GRID1: variants seen among roughly 807,000 people sequenced by gnomAD.
GRID1 encodes the protein glutamate ionotropic receptor delta type subunit 1.
GRID1 carries 28 observed loss-of-function variants against 98.0 expected under a neutral mutation model. That is an observed-to-expected ratio of 0.29 (90% CI 0.21 to 0.39). The LOEUF (loss-of-function observed/expected upper bound fraction) is 0.39, where lower values mean the gene tolerates loss of function less well. Ranked by LOEUF, GRID1 falls within the 10% of genes least tolerant of loss-of-function variation. GRID1 has a pLI of 1.00. For missense variants in GRID1, 1,111 were observed against 1,340.5 expected (o/e 0.83, Z 2.67); for synonymous variants, 553 against 538.5 (o/e 1.03, Z -0.37).
intron 4 of GRID1, among the ~76,000 whole-genome samples, chr10:85,972,149 A>G (rs1057187538): frequency 6.8e-6 from 1 of 148,014 alleles, no homozygotes; most frequent in African/African-American, 2.5e-5. Context: ...GGTTTTCCTG[A>G]CCATTTTTCT....
At chr10:86,013,761 C>T (rs575835911) in intron 4 of GRID1, among the ~76,000 whole-genome samples, 1 of 152,274 alleles carries the variant, frequency 6.6e-6, no homozygotes, top group South Asian at 2.1e-4. Context: ...TGACATCATG[C>T]TGATAAGACA....
At chr10:86,042,437 C>G (rs1229549569) in intron 4 of GRID1, among the ~76,000 whole-genome samples, 2 of 152,172 alleles carry the variant, frequency 1.3e-5, no homozygotes, top group Non-Finnish European at 2.9e-5. Context: ...GGAAGAGGGG[C>G]TTCACCAGGA....
intron 12 of GRID1, among the ~76,000 whole-genome samples, chr10:85,715,745 C>T (rs1282240532): frequency 6.6e-6 from 1 of 152,076 alleles, no homozygotes; most frequent in African/African-American, 2.4e-5. Context: ...AACAGTATGG[C>T]AATTTCTCAA....
At chr10:86,082,782 G>A (rs1843995317) in intron 4 of GRID1, among the ~76,000 whole-genome samples, 1 of 152,154 alleles carries the variant, frequency 6.6e-6, no homozygotes, top group Non-Finnish European at 1.5e-5. Flanking sequence ...CCATGACTCT[G>A]CACCTGTGTA....
intron 3 of GRID1, among the ~76,000 whole-genome samples, chr10:86,154,789 A>G (rs1477540399): frequency 6.6e-6 from 1 of 152,210 alleles, no homozygotes; most frequent in Non-Finnish European, 1.5e-5. Flanking sequence ...CAGAGCTGCC[A>G]TCGTAAGCTG....
At chr10:85,746,312 C>T (rs192574129) in intron 8 of GRID1, among the ~76,000 whole-genome samples, 221 of 152,100 alleles carry the variant, frequency 1.5e-3, no homozygotes, top group African/African-American at 4.7e-3. Context: ...TTTTTCCATT[C>T]GAGAGGGGTG....
rs1451075790 is a variant in GRID1, at chr10:86,366,482, G to C, written c.-90C>G. The stretch of plus-strand genomic sequence containing the variant: ...GAGGCGCTGGTCCCGGTGCAGTCCC[G>C]GGCCGCTCCCCGGGAGAGCCGAGCC... On this transcript the variant is annotated 5_prime_UTR_variant, in exon 1 of 16. Transcript: ENST00000327946. The surrounding 1 kb of genome is among the most constrained non-coding windows in gnomAD (Gnocchi z 4.1). The C allele has an allele frequency of 7.3e-6, 6 of 822,850 alleles. No individual in the cohort carries two copies. In the South Asian group the frequency reaches 1.6e-4, roughly 22 times the overall value. The allele number at this position is 822,850 out of a possible 1,614,324, so 51.0% of individuals were successfully genotyped here. A position where few individuals can be genotyped will look rare whatever the true frequency, so the allele number is the denominator to read the frequency against.
In GRID1 at chr10:86,004,037, A is replaced by G. The variant is rs530743183; in HGVS notation, c.727-87798T>C. Among the ~76,000 whole-genome samples the G allele has an allele frequency of 2.6e-5, 4 of 152,320 alleles. No individual in the cohort carries two copies. The East Asian group carries it at 7.7e-4, about 29-fold the overall frequency. ...GAAGGAAACTGTGCACAGGAATCCA[A>G]TCAACAGATAATCCTCACTGCTACC... On this transcript the variant is annotated intron_variant, in intron 4 of 15. Coordinates refer to ENST00000327946, the MANE Select transcript of GRID1 (RefSeq NM_017551.3).
chr10:86,269,139 C>T (rs1168605769), intron 2 of GRID1, among the ~76,000 whole-genome samples: 2 of 152,200 alleles, frequency 1.3e-5, no homozygotes, highest in African/African-American at 4.8e-5. Flanking sequence ...ACCTACCTCC[C>T]AGTGCATTCT....
intron 2 of GRID1, among the ~76,000 whole-genome samples, chr10:86,230,402 T>C (rs1340062266): frequency 6.6e-6 from 1 of 152,162 alleles, no homozygotes. Context: ...TGTGCCACAT[T>C]TGGCTTCCCT....
intron 2 of GRID1, among the ~76,000 whole-genome samples, chr10:86,286,806 G>C (rs1847438226): frequency 6.6e-6 from 1 of 152,240 alleles, no homozygotes; most frequent in Non-Finnish European, 1.5e-5. Context: ...CGGCAGGGTT[G>C]ACAGCTATCT....
chr10:86,351,352 G>A (rs1421380339), intron 2 of GRID1, among the ~76,000 whole-genome samples: 1 of 152,238 alleles, frequency 6.6e-6, no homozygotes, highest in Non-Finnish European at 1.5e-5. Flanking sequence ...AGCACACATA[G>A]GAGCTGGTCT....
chr10:86,061,677 C>T (rs1466984469), intron 4 of GRID1, among the ~76,000 whole-genome samples: 1 of 152,188 alleles, frequency 6.6e-6, no homozygotes, highest in Non-Finnish European at 1.5e-5. Context: ...ACCCAGCCTG[C>T]TTCTGTCCCT....
chr10:86,235,684 T>C (rs1356908912), intron 2 of GRID1, among the ~76,000 whole-genome samples: 2 of 152,234 alleles, frequency 1.3e-5, no homozygotes, highest in Non-Finnish European at 2.9e-5. Context: ...CTTAGAATAA[T>C]GTTTTGAGGT....
chr10:86,341,741 G>A (rs1848314084), intron 2 of GRID1, among the ~76,000 whole-genome samples: 1 of 152,232 alleles, frequency 6.6e-6, no homozygotes, highest in Non-Finnish European at 1.5e-5. Flanking sequence ...CCTCTTCCCA[G>A]CCCTGTCTGC....
intron 12 of GRID1, among the ~76,000 whole-genome samples, chr10:85,717,740 T>C (rs1203510442): frequency 6.6e-6 from 1 of 152,104 alleles, no homozygotes; most frequent in East Asian, 1.9e-4. Flanking sequence ...GTCCAAAGTC[T>C]CATCTGAGAC....
At chr10:86,087,354 T>C (rs1037483460) in intron 4 of GRID1, among the ~76,000 whole-genome samples, 1 of 147,894 alleles carries the variant, frequency 6.8e-6, no homozygotes, top group Non-Finnish European at 1.5e-5. Context: ...TGTGTGTGTG[T>C]GTGTGTGTGT....
At chr10:85,662,539 G>A (rs534248341) in intron 12 of GRID1, among the ~76,000 whole-genome samples, 23 of 152,244 alleles carry the variant, frequency 1.5e-4, no homozygotes, top group South Asian at 8.3e-4. Flanking sequence ...AGCTCCCTCC[G>A]TAATACTCCT....
At chr10:85,760,323 T>C (rs1391199485) in intron 8 of GRID1, among the ~76,000 whole-genome samples, 1 of 152,238 alleles carries the variant, frequency 6.6e-6, no homozygotes, top group African/African-American at 2.4e-5. Context: ...TTAGGTGTTA[T>C]TATTATTGTC....
Sources: gnomAD v4.1 joint callset for allele counts (sites outside exome capture counted in the v4.1 genomes callset) on GRCh38, gnomAD v4.1.1 for gene constraint, Gnocchi (gnomAD v3.1) non-coding constraint, MANE v1.5 for transcripts, NCBI Gene and HGNC (gene_info 2026-07-23, HGNC 2026-07-21) for gene names.